Variants in ATOH8 observed in about 807,000 individuals in gnomAD.
ATOH8 encodes the protein atonal bHLH transcription factor 8.
ATOH8 carries 9 observed loss-of-function variants against 21.2 expected under a neutral mutation model. The ratio of observed to expected loss-of-function variants is 0.42; its 90% CI spans 0.26 to 0.74. The LOEUF (loss-of-function observed/expected upper bound fraction) is 0.74. ATOH8 is among the 30% of genes least tolerant of loss of function. ATOH8 has a pLI of 0.24. For synonymous variants in ATOH8, 253 were observed against 224.0 expected (o/e 1.13, Z -1.16); for missense variants, 524 against 470.9 (o/e 1.11, Z -1.04).
intron 2 of ATOH8, among the ~76,000 whole-genome samples, chr2:85,768,997 C>A (rs1680102832): frequency 6.6e-6 from 1 of 152,186 alleles, no homozygotes; most frequent in African/African-American, 2.4e-5. Flanking sequence ...TGGCTCTGGG[C>A]CACTTTTCCA....
Position 85,754,019 on chromosome 2 carries a change from G to A in ATOH8, c.-171G>A. Reference sequence around the variant, plus strand: ...TGACACTCTGAGCGCTCCGGGAACGGACAGCCCGGCGGCTTCCCGAAGCCG... The same window carrying A: ...TGACACTCTGAGCGCTCCGGGAACGAACAGCCCGGCGGCTTCCCGAAGCCG... On this transcript the variant is annotated 5_prime_UTR_variant, in exon 1 of 3. Coordinates refer to ENST00000306279, the MANE Select transcript of ATOH8 (RefSeq NM_032827.7). 1.4e-6 allele frequency: 1 copy of A among 709,184 alleles called. No homozygotes were observed. Among genetic ancestry groups the A allele is most frequent in the South Asian group, 2.4e-5 (1 of 41,728 alleles). The allele number at this position is 709,184 out of a possible 1,614,324, so 43.9% of individuals were successfully genotyped here.
chr2:85,776,753 T>TGGCAGGGCAG (rs1160464257), intron 2 of ATOH8, among the ~76,000 whole-genome samples: 1 of 152,022 alleles, frequency 6.6e-6, no homozygotes, highest in Non-Finnish European at 1.5e-5. Context: ...GGACCCTCAG[T>TGGCAGGGCAG]GGCAGGGCAG....
chr2:85,771,277 G>A (rs1020313046), intron 2 of ATOH8, among the ~76,000 whole-genome samples: 7 of 152,174 alleles, frequency 4.6e-5, no homozygotes, highest in African/African-American at 1.4e-4. Flanking sequence ...GTGGCCTTGG[G>A]CATGTTATTT....
chr2:85,774,604 C>T, intron 2 of ATOH8: 5 of 985,640 alleles, frequency 5.1e-6, no homozygotes, highest in Non-Finnish European at 6.0e-6. Flanking sequence ...TCAGCCCCAC[C>T]AGAGCCCCTC....
intron 2 of ATOH8, among the ~76,000 whole-genome samples, chr2:85,768,994 G>T (rs1264582941): frequency 6.6e-6 from 1 of 152,202 alleles, no homozygotes; most frequent in African/African-American, 2.4e-5. Flanking sequence ...ACCTGGCTCT[G>T]GGCCACTTTT....
chr2:85,774,969 T>A, intron 2 of ATOH8: 10 of 984,968 alleles, frequency 1.0e-5, no homozygotes, highest in Non-Finnish European at 1.2e-5. Context: ...CCTCAGGGTG[T>A]CGTAGCACAG....
rs115947694 is a variant in ATOH8, at chr2:85,757,189, A to C, written c.768+2232A>C. ...GAAAGGCTGCCAGGCCATAGTGGGC[A>C]CCTGCCTGTTAGCTGGGAAGGAAAG... is the stretch of plus-strand genomic sequence containing the variant. On this transcript the variant is annotated intron_variant, in intron 1 of 2. Coordinates refer to ENST00000306279, the MANE Select transcript of ATOH8 (RefSeq NM_032827.7). Among the ~76,000 whole-genome samples the C allele has an allele frequency of 5.4e-3, 820 of 152,336 alleles. 5 individuals are homozygous for C. Among genetic ancestry groups the C allele is most frequent in the Non-Finnish European group, 9.3e-3 (633 of 68,038 alleles).
intron 2 of ATOH8, among the ~76,000 whole-genome samples, chr2:85,767,580 T>TCCCCTTCCCGCCCCTCCCCTCCCCTCC (rs1680052547): frequency 1.3e-5 from 1 of 79,234 alleles, no homozygotes; most frequent in Non-Finnish European, 2.5e-5. Flanking sequence ...CCCTCCCCTC[T>TCCCCTTCCCGCCCCTCCCCTCCCCTCC]CCTTCCCTTC....
At chr2:85,786,831 A>G in intron 2 of ATOH8, 54 bp from the exon 3 acceptor site, 6 of 1,613,090 alleles carry the variant, frequency 3.7e-6, no homozygotes, top group Non-Finnish European at 5.1e-6. Flanking sequence ...GCTGTCCAGA[A>G]ACAGGAACCA....
chr2:85,780,755 T>TAGTGGCCC (rs1680460838), intron 2 of ATOH8, among the ~76,000 whole-genome samples: 1 of 152,200 alleles, frequency 6.6e-6, no homozygotes, highest in African/African-American at 2.4e-5. Flanking sequence ...CACTAAAGGC[T>TAGTGGCCC]CTGGCCATAA....
chr2:85,755,327 G>A (rs60305447), intron 1 of ATOH8, among the ~76,000 whole-genome samples: 3 of 152,164 alleles, frequency 2.0e-5, no homozygotes, highest in African/African-American at 7.2e-5. Flanking sequence ...GCGGAGGAAG[G>A]GGGGAGCCTT....
rs530897144 is a variant in ATOH8, at chr2:85,769,529, C to G, written c.960+5347C>G. Among the ~76,000 whole-genome samples, 76 of 152,364 alleles carry G rather than the reference C, an allele frequency of 5.0e-4. 1 individual carries two copies. In the South Asian group the frequency reaches 9.9e-3, roughly 20 times the overall value. On this transcript the variant is annotated intron_variant, in intron 2 of 2. Transcript: ENST00000306279. ...CAGCTTCATGAGATCTGTGTCCTCC[C>G]TCTTTTCCTTGCTGCTTTCTGGGGA...
intron 1 of ATOH8, among the ~76,000 whole-genome samples, chr2:85,758,229 C>T (rs1453325933): frequency 6.6e-6 from 1 of 152,230 alleles, no homozygotes; most frequent in African/African-American, 2.4e-5. Context: ...TTGTGCCAGG[C>T]ATGGTGCTAA....
intron 1 of ATOH8, among the ~76,000 whole-genome samples, chr2:85,756,337 C>T (rs575751391): frequency 3.3e-5 from 5 of 152,174 alleles, no homozygotes; most frequent in South Asian, 4.2e-4. Flanking sequence ...GTAGAGGTGG[C>T]GGTGCGTGGG....
At chr2:85,762,308 G>C (rs1348338326) in intron 1 of ATOH8, among the ~76,000 whole-genome samples, 1 of 152,190 alleles carries the variant, frequency 6.6e-6, no homozygotes, top group Non-Finnish European at 1.5e-5. Context: ...AAAAAGATAC[G>C]CTTAGCTTTA....
intron 1 of ATOH8, among the ~76,000 whole-genome samples, chr2:85,755,399 C>G (rs951300986): frequency 1.3e-5 from 2 of 152,148 alleles, no homozygotes; most frequent in Non-Finnish European, 2.9e-5. Context: ...GAGTTGTCAG[C>G]CCCTCTTCAG....
chr2:85,780,161 G>T (rs892727864), intron 2 of ATOH8, among the ~76,000 whole-genome samples: 1 of 152,182 alleles, frequency 6.6e-6, no homozygotes, highest in Non-Finnish European at 1.5e-5. Flanking sequence ...CCCCAGCCCT[G>T]CACTTGTGGA....
intron 1 of ATOH8, among the ~76,000 whole-genome samples, chr2:85,760,114 T>G (rs1435915211): frequency 6.6e-6 from 1 of 152,048 alleles, no homozygotes; most frequent in Non-Finnish European, 1.5e-5. Flanking sequence ...TTGCTGGAAC[T>G]GGGTCCAGCT....
chr2:85,773,171 C>T (rs1036022685), intron 2 of ATOH8: 1 of 274,484 alleles, frequency 3.6e-6, no homozygotes, highest in African/African-American at 2.3e-5. Context: ...TGCAGAGACC[C>T]CCATCAGCTC....
Sources: allele counts gnomAD v4.1 joint callset (sites outside exome capture counted in the v4.1 genomes callset), GRCh38; gene constraint gnomAD v4.1.1; transcripts MANE v1.5; gene names NCBI Gene and HGNC (gene_info 2026-07-23, HGNC 2026-07-21).